The following RBFOX3 variants were observed in gnomAD, a reference collection of about 807,000 sequenced individuals.
RBFOX3 encodes RNA binding protein fox-1 homolog 3.
Under a neutral mutation model 48.7 loss-of-function variants are expected in RBFOX3, and 17 were observed. That is an observed-to-expected ratio of 0.35 (90% CI 0.24 to 0.52). The LOEUF (loss-of-function observed/expected upper bound fraction) is 0.52, where lower values mean the gene tolerates loss of function less well. RBFOX3 is among the 20% of genes least tolerant of loss of function. RBFOX3 has a pLI of 0.94. For missense variants in RBFOX3, 382 were observed against 497.5 expected (o/e 0.77, Z 2.21); for synonymous variants, 212 against 209.5 (o/e 1.01, Z -0.10).
At chr17:79,169,046 G>T (rs1568271194) in intron 4 of RBFOX3, among the ~76,000 whole-genome samples, 1 of 152,162 alleles carries the variant, frequency 6.6e-6, no homozygotes, top group Non-Finnish European at 1.5e-5. Flanking sequence ...CTGAGTGGAG[G>T]ACCTTCCAAA....
the RBFOX3 span, among the ~76,000 whole-genome samples, chr17:79,648,698 C>T: frequency 0.011 from 1,668 of 152,306 alleles, 29 homozygotes; most frequent in African/African-American, 0.038. Context: ...GGTATGGAAG[C>T]GGTTACATAA....
At chr17:79,521,618 CACAG>C (rs1197152419) in intron 1 of RBFOX3, among the ~76,000 whole-genome samples, 131 of 152,266 alleles carry the variant, frequency 8.6e-4, no homozygotes, top group African/African-American at 3.1e-3. Context: ...TAGACACACA[CACAG>C]ACATACTCAT....
At chr17:79,408,485 G>A (rs997301140) in intron 2 of RBFOX3, among the ~76,000 whole-genome samples, 4 of 152,174 alleles carry the variant, frequency 2.6e-5, no homozygotes, top group Admixed American at 2.6e-4. Flanking sequence ...GCCATCCCAG[G>A]AGCCTGGCCA....
chr17:79,184,843 T>G (rs1195042227), intron 4 of RBFOX3, among the ~76,000 whole-genome samples: 1 of 151,850 alleles, frequency 6.6e-6, no homozygotes, highest in Non-Finnish European at 1.5e-5. Flanking sequence ...GACCCTCACT[T>G]GCTGTGTGAT....
chr17:79,447,460 T>TGACTGTGATA (rs1426540623), intron 2 of RBFOX3, among the ~76,000 whole-genome samples: 1 of 152,224 alleles, frequency 6.6e-6, no homozygotes, highest in Non-Finnish European at 1.5e-5. Context: ...AGGCATGACT[T>TGACTGTGATA]GCCTGTGATA....
At chr17:79,581,308 G>T (rs2144809183) in intron 1 of RBFOX3, among the ~76,000 whole-genome samples, 1 of 152,308 alleles carries the variant, frequency 6.6e-6, no homozygotes, top group East Asian at 1.9e-4. Flanking sequence ...GTGCACTTAG[G>T]TTGTCACGGA....
rs1412540078 is a variant in RBFOX3 at position 79,477,416 on chromosome 17, C to A, written c.-175+5038G>T. Among the ~76,000 whole-genome samples, 6 of 151,752 alleles carry A rather than the reference C, an allele frequency of 4.0e-5. No homozygotes were observed. The highest frequency in any genetic ancestry group is 7.4e-5 in the Non-Finnish European group (5 of 67,960). On this transcript the variant is annotated intron_variant, in intron 2 of 14. Coordinates refer to ENST00000693108, the MANE Select transcript of RBFOX3 (RefSeq NM_001350451.2). The surrounding 1 kb of genome is among the most constrained non-coding windows in gnomAD (Gnocchi z 4.8). ...CTAAAAATACAAAACATTAGCCAGACGTGGTGGCGGGCGCCTGTAGTCCCA... is the reference window on the plus strand; with the variant it reads ...CTAAAAATACAAAACATTAGCCAGAAGTGGTGGCGGGCGCCTGTAGTCCCA...
intron 1 of RBFOX3, among the ~76,000 whole-genome samples, chr17:79,520,897 G>A (rs1451913035): frequency 3.3e-5 from 5 of 152,216 alleles, no homozygotes; most frequent in African/African-American, 1.2e-4. Flanking sequence ...CCAGCTACAC[G>A]AATTATAGTC....
At chr17:79,438,928 CCATA>C (rs1214199196) in intron 2 of RBFOX3, among the ~76,000 whole-genome samples, 1 of 152,206 alleles carries the variant, frequency 6.6e-6, no homozygotes, top group Non-Finnish European at 1.5e-5. Context: ...TTTGGTCTGT[CCATA>C]CATGGGGCAG....
chr17:79,610,253 C>A (rs1281765614), intron 1 of RBFOX3, among the ~76,000 whole-genome samples: 2 of 152,070 alleles, frequency 1.3e-5, no homozygotes, highest in African/African-American at 4.8e-5. Flanking sequence ...TTCAGAGGAC[C>A]CCGGCAGGGC....
At chr17:79,283,549 G>A (rs59395377) in intron 3 of RBFOX3, among the ~76,000 whole-genome samples, 7,930 of 152,108 alleles carry the variant, frequency 0.052, 693 homozygotes, top group African/African-American at 0.18. Flanking sequence ...GATTACAGGC[G>A]TGAGCTATCG....
chr17:79,140,051 C>T (rs968221495), intron 4 of RBFOX3, among the ~76,000 whole-genome samples: 3 of 152,244 alleles, frequency 2.0e-5, no homozygotes, highest in African/African-American at 7.2e-5. Flanking sequence ...GCCAGGCCAC[C>T]CCGCCCTGTG....
intron 4 of RBFOX3, among the ~76,000 whole-genome samples, chr17:79,166,123 T>C (rs1301709669): frequency 1.3e-5 from 2 of 149,064 alleles, no homozygotes; most frequent in African/African-American, 2.5e-5. Flanking sequence ...GATACAAACC[T>C]GGGCTTGGCC....
chr17:79,356,773 A>G (rs568932105), intron 2 of RBFOX3, among the ~76,000 whole-genome samples: 4 of 152,188 alleles, frequency 2.6e-5, no homozygotes, highest in Admixed American at 2.6e-4. Context: ...GTCCAGAGAG[A>G]GACCAAAGGT....
chr17:79,245,541 C>T (rs2063038584), intron 3 of RBFOX3, among the ~76,000 whole-genome samples: 1 of 148,644 alleles, frequency 6.7e-6, no homozygotes, highest in Admixed American at 6.6e-5. Context: ...ACCGCTCACC[C>T]CCTCAGTCCT....
intron 4 of RBFOX3, among the ~76,000 whole-genome samples, chr17:79,213,536 C>T (rs2058647916): frequency 6.6e-6 from 1 of 152,232 alleles, no homozygotes; most frequent in Non-Finnish European, 1.5e-5. Context: ...ACCAGTGGGG[C>T]CCATCCAGAG....
At chr17:79,544,745 G>T (rs1055973088) in intron 1 of RBFOX3, among the ~76,000 whole-genome samples, 1 of 151,762 alleles carries the variant, frequency 6.6e-6, no homozygotes, top group East Asian at 1.9e-4. Flanking sequence ...CCTCCTCGAA[G>T]CTCTTACATA....
intron 2 of RBFOX3, among the ~76,000 whole-genome samples, chr17:79,407,729 A>T (rs548302733): frequency 6.6e-6 from 1 of 152,248 alleles, no homozygotes; most frequent in South Asian, 2.1e-4. Context: ...GGCGGCCGGG[A>T]GCAGGAATTC....
chr17:79,202,361 C>T (rs2056888702), intron 4 of RBFOX3, among the ~76,000 whole-genome samples: 1 of 152,128 alleles, frequency 6.6e-6, no homozygotes, highest in African/African-American at 2.4e-5. Context: ...ACAGATGACT[C>T]TGTTTCCCCA....
Sources: allele counts gnomAD v4.1 joint callset (sites outside exome capture counted in the v4.1 genomes callset), GRCh38; gene constraint gnomAD v4.1.1; non-coding constraint Gnocchi (gnomAD v3.1); transcripts MANE v1.5; gene names NCBI Gene and HGNC (gene_info 2026-07-23, HGNC 2026-07-21).